Variants in ZNF423 observed in about 807,000 individuals in gnomAD.
ZNF423 encodes Ebf-associated zinc finger protein.
ZNF423 carries 12 observed loss-of-function variants against 95.8 expected under a neutral mutation model. The observed-to-expected ratio is 0.13, with a 90% CI of 0.08 to 0.20. The LOEUF is 0.20. Ranked by LOEUF, ZNF423 falls within the 10% of genes least tolerant of loss-of-function variation. The pLI, the probability that ZNF423 is intolerant of heterozygous loss-of-function variation, is 1.00. For synonymous variants in ZNF423, 749 were observed against 711.9 expected (o/e 1.05, Z -0.83); for missense variants, 1,316 against 1,737.1 (o/e 0.76, Z 4.31).
intron 3 of ZNF423, among the ~76,000 whole-genome samples, chr16:49,718,264 C>T (rs1422762486): frequency 6.6e-6 from 1 of 152,006 alleles, no homozygotes; most frequent in Admixed American, 6.6e-5. Flanking sequence ...ACTAAAAATA[C>T]AAAAATTAGC....
At chr16:49,618,317 T>C (rs1369838698) in intron 5 of ZNF423, among the ~76,000 whole-genome samples, 1 of 152,196 alleles carries the variant, frequency 6.6e-6, no homozygotes, top group Non-Finnish European at 1.5e-5. Context: ...GTAAGCTTCA[T>C]TAGATGGTAC....
chr16:49,590,108 G>A (rs1193247978), intron 5 of ZNF423, among the ~76,000 whole-genome samples: 1 of 149,294 alleles, frequency 6.7e-6, no homozygotes, highest in Non-Finnish European at 1.5e-5. Context: ...GGTACTTGGA[G>A]TAAGGCAACC....
Position 49,815,866 on chromosome 16 carries a change from C to CAAAA in ZNF423, c.41-26321_41-26320insTTTT, listed in dbSNP as rs748352861. Among the ~76,000 whole-genome samples the CAAAA allele has an allele frequency of 1.6e-4, 9 of 57,912 alleles. No individual in the cohort carries two copies. The East Asian group carries it at 2.7e-3, about 18-fold the overall frequency. 38.0% of individuals were successfully genotyped at this position (57,912 alleles called of 152,430 possible). Reference sequence around the variant, plus strand: ...TTAAGTGTTACATTCTAATTCCAAACAAACAAAAAAAAAAAATATATATAT... The same window carrying CAAAA: ...TTAAGTGTTACATTCTAATTCCAAACAAAAAAACAAAAAAAAAAAATATATATAT... On this transcript the variant is annotated intron_variant, in intron 1 of 7. Transcript: ENST00000563137.
At chr16:49,641,919 G>C (rs1972987083) in intron 3 of ZNF423, among the ~76,000 whole-genome samples, 1 of 152,226 alleles carries the variant, frequency 6.6e-6, no homozygotes, top group African/African-American at 2.4e-5. Context: ...AAACTAGACT[G>C]TGGGTGAAGA....
At chr16:49,582,508 T>C (rs1970704614) in intron 5 of ZNF423, among the ~76,000 whole-genome samples, 1 of 151,980 alleles carries the variant, frequency 6.6e-6, no homozygotes, top group Non-Finnish European at 1.5e-5. Context: ...ACCAAATGGG[T>C]TGAAATAGAA....
chr16:49,681,671 C>T (rs192876255), intron 3 of ZNF423, among the ~76,000 whole-genome samples: 2 of 152,348 alleles, frequency 1.3e-5, no homozygotes, highest in Admixed American at 6.5e-5. Flanking sequence ...GCGTGCCCAC[C>T]CCCACAGCCT....
intron 1 of ZNF423, among the ~76,000 whole-genome samples, chr16:49,843,947 G>A (rs1047856986): frequency 6.6e-6 from 1 of 152,178 alleles, no homozygotes; most frequent in Non-Finnish European, 1.5e-5. Flanking sequence ...TGATGTAGCA[G>A]GATGAGCGTC....
chr16:49,852,326 T>A (rs546934869), intron 1 of ZNF423, among the ~76,000 whole-genome samples: 1 of 151,994 alleles, frequency 6.6e-6, no homozygotes, highest in South Asian at 2.1e-4. Context: ...AGAGAGAAAA[T>A]TGACAGTATT....
At chr16:49,804,941 C>A (rs1339285731) in intron 1 of ZNF423, among the ~76,000 whole-genome samples, 1 of 149,546 alleles carries the variant, frequency 6.7e-6, no homozygotes, top group African/African-American at 2.5e-5. Context: ...ACTCTGTCCC[C>A]CAGGCTGGAG....
At chr16:49,623,148 C>T (rs1484930236) in intron 5 of ZNF423, among the ~76,000 whole-genome samples, 11 of 152,152 alleles carry the variant, frequency 7.2e-5, no homozygotes, top group South Asian at 4.1e-4. Flanking sequence ...AATCTGCACT[C>T]GGGGACCAAC....
chr16:49,518,584 G>C, intron 7 of ZNF423: 1 of 400,552 alleles, frequency 2.5e-6, no homozygotes, highest in Admixed American at 3.4e-5. Context: ...ATGTTCCATT[G>C]CAAAAAAAAA....
At chr16:49,683,722 A>C (rs1325644589) in intron 3 of ZNF423, among the ~76,000 whole-genome samples, 2 of 152,318 alleles carry the variant, frequency 1.3e-5, no homozygotes, top group East Asian at 3.9e-4. Flanking sequence ...GCTCCTCGAG[A>C]GGGCATTAAA....
chr16:49,726,261 G>A (rs541234628), intron 3 of ZNF423, among the ~76,000 whole-genome samples: 1 of 152,200 alleles, frequency 6.6e-6, no homozygotes, highest in South Asian at 2.1e-4. Context: ...CCAAAGCAGG[G>A]GTCAACATAA....
intron 5 of ZNF423, among the ~76,000 whole-genome samples, chr16:49,586,106 T>G (rs1184181247): frequency 2.0e-5 from 3 of 152,200 alleles, no homozygotes; most frequent in Non-Finnish European, 2.9e-5. Flanking sequence ...AGAGCACTGC[T>G]AACTCTCCTG....
At chr16:49,671,483 T>G (rs2030806255) in intron 3 of ZNF423, among the ~76,000 whole-genome samples, 1 of 152,184 alleles carries the variant, frequency 6.6e-6, no homozygotes, top group South Asian at 2.1e-4. Flanking sequence ...GGTGTGCATG[T>G]GTGCATGCAC....
chr16:49,814,338 C>T (rs1025772128), intron 1 of ZNF423, among the ~76,000 whole-genome samples: 1 of 152,030 alleles, frequency 6.6e-6, no homozygotes, highest in Non-Finnish European at 1.5e-5. Context: ...CTGCACCTAC[C>T]CTTTCCAACA....
intron 1 of ZNF423, among the ~76,000 whole-genome samples, chr16:49,792,018 A>AAAAAAAAAAG (rs57175853): frequency 2.2e-5 from 3 of 138,308 alleles, no homozygotes; most frequent in Non-Finnish European, 4.6e-5. Context: ...AAAAAAAAAA[A>AAAAAAAAAAG]AAAGAAAGAA....
At chr16:49,493,707 G>T (rs1336640985) in intron 7 of ZNF423, among the ~76,000 whole-genome samples, 1 of 152,200 alleles carries the variant, frequency 6.6e-6, no homozygotes, top group Non-Finnish European at 1.5e-5. Flanking sequence ...ATTTGTGAAT[G>T]AGTCAATGGA....
At position 49,855,461 on chromosome 16, in the gene ZNF423, A is replaced by G. The variant is rs116915980; in HGVS notation, c.40+274T>C. Among the ~76,000 whole-genome samples the G allele has an allele frequency of 0.25, 36,954 of 149,816 alleles. 4,582 individuals are homozygous for G. Among genetic ancestry groups the G allele is most frequent in the African/African-American group, 0.28 (11,480 of 40,630 alleles). On this transcript the variant is annotated intron_variant, in intron 1 of 7. Transcript: ENST00000563137. This position sits in a 1 kb window ranked among gnomAD's most constrained non-coding sequence, Gnocchi z 4.7. ...GGCGCCCCCAGGCCTGGGTCCCCCA[A>G]GGGCGACGGCGCCGAGTCCGGGCAG...
Sources: allele counts gnomAD v4.1 joint callset (sites outside exome capture counted in the v4.1 genomes callset), GRCh38; gene constraint gnomAD v4.1.1; non-coding constraint Gnocchi (gnomAD v3.1); transcripts MANE v1.5; gene names NCBI Gene and HGNC (gene_info 2026-07-23, HGNC 2026-07-21).